The following GCNT1 variants were observed in gnomAD, a reference collection of about 807,000 sequenced individuals.
GCNT1 encodes the protein beta-1,3-galactosyl-O-glycosyl-glycoprotein beta-1,6-N-acetylglucosaminyltransferase.
GCNT1 carries 16 observed loss-of-function variants against 26.2 expected under a neutral mutation model. That is an observed-to-expected ratio of 0.61 (90% CI 0.41 to 0.93). The LOEUF (loss-of-function observed/expected upper bound fraction) is 0.93, where lower values mean the gene tolerates loss of function less well. GCNT1 is among the 40% of genes least tolerant of loss of function. GCNT1 has a pLI of 0.00. For missense variants in GCNT1, 477 were observed against 526.7 expected (o/e 0.91, Z 0.92); for synonymous variants, 183 against 190.8 (o/e 0.96, Z 0.34).
intron 2 of GCNT1, among the ~76,000 whole-genome samples, chr9:76,488,597 G>C (rs202123799): frequency 1.3e-5 from 2 of 152,142 alleles, no homozygotes; most frequent in East Asian, 3.8e-4. Flanking sequence ...CGATTGTTCT[G>C]TCTCAGCCTC....
At chr9:76,444,030 G>A (rs1823532570) in intron 1 of GCNT1, among the ~76,000 whole-genome samples, 1 of 152,106 alleles carries the variant, frequency 6.6e-6, no homozygotes, top group Non-Finnish European at 1.5e-5. Flanking sequence ...AATTGGGTGT[G>A]TGCTTTGTGA....
intron 1 of GCNT1, among the ~76,000 whole-genome samples, chr9:76,433,793 GTAGGATGTGTGATGGATT>G (rs1294758892): frequency 6.6e-6 from 1 of 152,144 alleles, no homozygotes; most frequent in Admixed American, 6.5e-5. Flanking sequence ...GTACCAGATA[GTAGGATGTGTGATGGATT>G]TAAGACAATA....
At chr9:76,451,476 G>A (rs950070325) in intron 1 of GCNT1, among the ~76,000 whole-genome samples, 7 of 152,172 alleles carry the variant, frequency 4.6e-5, no homozygotes, top group African/African-American at 1.7e-4. Flanking sequence ...GGGGACTCTG[G>A]TTGGTGTTGT....
intron 1 of GCNT1, among the ~76,000 whole-genome samples, chr9:76,431,775 G>C (rs143402212): frequency 6.6e-6 from 1 of 152,150 alleles, no homozygotes; most frequent in Non-Finnish European, 1.5e-5. Context: ...CCAAGAGCCT[G>C]CCATTAATAC....
chr9:76,414,169 A>G, the GCNT1 span, among the ~76,000 whole-genome samples: 48 of 152,288 alleles, frequency 3.2e-4, no homozygotes, highest in African/African-American at 1.1e-3. Flanking sequence ...TAAATTCACA[A>G]TCTGGTAATA....
At chr9:76,451,690 C>T (rs1823666162) in intron 1 of GCNT1, among the ~76,000 whole-genome samples, 2 of 152,190 alleles carry the variant, frequency 1.3e-5, no homozygotes, top group Admixed American at 6.5e-5. Context: ...ACTCTGCTGA[C>T]ACTCAATTTT....
At chr9:76,410,492 G>A in the GCNT1 span, among the ~76,000 whole-genome samples, 3 of 151,978 alleles carry the variant, frequency 2.0e-5, no homozygotes, top group African/African-American at 4.8e-5. Context: ...TGGCTCAGGC[G>A]TGTCATCCCA....
intron 1 of GCNT1, among the ~76,000 whole-genome samples, chr9:76,432,530 G>A (rs932917557): frequency 6.6e-6 from 1 of 151,998 alleles, no homozygotes; most frequent in Admixed American, 6.6e-5. Context: ...TATAGAGACA[G>A]GGTTTCGCCA....
intron 2 of GCNT1, among the ~76,000 whole-genome samples, chr9:76,497,104 ATTCTT>A (rs1824927323): frequency 6.6e-6 from 1 of 152,230 alleles, no homozygotes; most frequent in South Asian, 2.1e-4. Context: ...CCCACCAGAT[ATTCTT>A]CAGTGAGTAT....
At position 76,503,013 on chromosome 9, in the gene GCNT1, A is replaced by G; in HGVS notation, c.632A>G (p.Lys211Arg). The G allele has an allele frequency of 6.2e-7, 1 of 1,613,874 alleles. No individual in the cohort carries two copies. Among genetic ancestry groups the G allele is most frequent in the East Asian group, 2.2e-5 (1 of 44,884 alleles). ...KDLYAMSANW[K>R]YLINLCGMDF... ...CTCTATGCAATGAGTGCAAACTGGA[A>G]GTACTTGATAAATCTTTGTGGTATG... The change falls in exon 4 of 4, where the codon AAG becomes AGG. Residue 211 changes from lysine (K) to arginine (R), a missense_variant. Physicochemically the swap from Lys to Arg is conservative, Grantham distance 26 (BLOSUM62 2). Transcript: ENST00000376730.
chr9:76,444,103 A>G (rs1175924507), intron 1 of GCNT1, among the ~76,000 whole-genome samples: 3 of 152,152 alleles, frequency 2.0e-5, no homozygotes, highest in African/African-American at 7.2e-5. Context: ...TGGAGTTGTC[A>G]ATGAGTAAGT....
At chr9:76,448,958 A>G (rs981037262) in intron 1 of GCNT1, among the ~76,000 whole-genome samples, 1 of 152,206 alleles carries the variant, frequency 6.6e-6, no homozygotes, top group African/African-American at 2.4e-5. Flanking sequence ...TGCTAAATTT[A>G]CTATTATTTG....
At chr9:76,435,330 C>A (rs915295724) in intron 1 of GCNT1, among the ~76,000 whole-genome samples, 3 of 152,132 alleles carry the variant, frequency 2.0e-5, no homozygotes, top group Non-Finnish European at 4.4e-5. Flanking sequence ...ATTTCTCAGA[C>A]TGGCCAGCAA....
At chr9:76,417,042 G>T (rs1390466120), upstream of GCNT1, among the ~76,000 whole-genome samples, 1 of 152,162 alleles carries the variant, frequency 6.6e-6, no homozygotes, top group Non-Finnish European at 1.5e-5. Flanking sequence ...GGGTGACAGA[G>T]CCAGACTCTG....
At chr9:76,401,086 A>G in the GCNT1 span, among the ~76,000 whole-genome samples, 1 of 152,216 alleles carries the variant, frequency 6.6e-6, no homozygotes. Flanking sequence ...GGCTGTTATG[A>G]TGATGATTAC....
chr9:76,411,323 T>C, the GCNT1 span, among the ~76,000 whole-genome samples: 1 of 152,148 alleles, frequency 6.6e-6, no homozygotes, highest in African/African-American at 2.4e-5. Flanking sequence ...TGTTTGTTTT[T>C]GAAATTTTTT....
At chr9:76,421,230 C>A (rs548809228) in intron 1 of GCNT1, among the ~76,000 whole-genome samples, 1 of 152,248 alleles carries the variant, frequency 6.6e-6, no homozygotes, top group South Asian at 2.1e-4. Flanking sequence ...CAAGTGTCAG[C>A]AATTCACCTT....
At chr9:76,492,765 G>A (rs1824781992) in intron 2 of GCNT1, among the ~76,000 whole-genome samples, 1 of 150,116 alleles carries the variant, frequency 6.7e-6, no homozygotes, top group African/African-American at 2.4e-5. Context: ...TGGGTGATTG[G>A]CCTGCTCCAT....
chr9:76,476,860 T>G (rs1400666516), intron 2 of GCNT1, among the ~76,000 whole-genome samples: 1 of 152,302 alleles, frequency 6.6e-6, no homozygotes, highest in East Asian at 1.9e-4. Context: ...CCTACTTATA[T>G]TTCCCTTATT....
Sources: allele counts gnomAD v4.1 joint callset (sites outside exome capture counted in the v4.1 genomes callset), GRCh38; gene constraint gnomAD v4.1.1; transcripts MANE v1.5; gene names NCBI Gene and HGNC (gene_info 2026-07-23, HGNC 2026-07-21).